The following PHKB variants were observed in gnomAD, a reference collection of about 807,000 sequenced individuals.
PHKB encodes the protein phosphorylase b kinase regulatory subunit beta.
In PHKB, 122 loss-of-function variants were observed where a neutral mutation model predicts 152.1. The ratio of observed to expected loss-of-function variants is 0.80; its 90% CI spans 0.69 to 0.93. The LOEUF (loss-of-function observed/expected upper bound fraction) is 0.93. PHKB is among the 40% of genes least tolerant of loss of function. PHKB has a pLI of 0.00. For missense variants in PHKB, 1,304 were observed against 1,328.4 expected (o/e 0.98, Z 0.29); for synonymous variants, 436 against 464.9 (o/e 0.94, Z 0.80).
intron 1 of PHKB, among the ~76,000 whole-genome samples, chr16:47,478,962 G>C (rs767642096): frequency 2.6e-5 from 4 of 152,194 alleles, no homozygotes; most frequent in Admixed American, 2.0e-4. Context: ...CCTGAATAGA[G>C]TCTGGAGATC....
rs532929131 is a variant in PHKB, at chr16:47,461,453, C to A, written c.76+27C>A. 87 of 1,610,460 alleles carry A rather than the reference C, an allele frequency of 5.4e-5. No individual in the cohort carries two copies. In the East Asian group the frequency reaches 1.6e-3, roughly 30 times the overall value. ...TTTGGCTGGCTGGGGCGCCGCCCCC[C>A]ACCCGAGTACCTTGGGTGGTGCTTC... On this transcript the variant is annotated intron_variant, in intron 1 of 30. Coordinates refer to ENST00000323584, the MANE Select transcript of PHKB (RefSeq NM_000293.3).
chr16:47,519,130 G>A (rs1244682380), intron 6 of PHKB, among the ~76,000 whole-genome samples: 2 of 152,168 alleles, frequency 1.3e-5, no homozygotes, highest in African/African-American at 4.8e-5. Flanking sequence ...GTAGGTGCTT[G>A]TTCAACATAA....
intron 22 of PHKB, 60 bp from the exon 23 acceptor site, chr16:47,661,659 C>G (rs1803661013): frequency 9.6e-6 from 10 of 1,045,304 alleles, no homozygotes; most frequent in African/African-American, 4.7e-5. Flanking sequence ...ATTAGTTACC[C>G]TCTGTGGTAA....
Position 47,497,450 on chromosome 16 carries a change from A to G in PHKB, c.128A>G (p.Glu43Gly). Residue 43 changes from glutamate to glycine, a missense_variant, in exon 2 of 31, where the codon GAA becomes GGA. Physicochemically the swap from Glu to Gly is moderately conservative, Grantham distance 98. Coordinates refer to ENST00000323584, the MANE Select transcript of PHKB (RefSeq NM_000293.3). Reference sequence around the variant, plus strand: ...ATTAATCTTCCAAGACCTGATAATGAAACTCTCTGGGATAAGTTGGACCAT... The same window carrying G: ...ATTAATCTTCCAAGACCTGATAATGGAACTCTCTGGGATAAGTTGGACCAT... ...KSINLPRPDNETLWDKLDHYY... is the reference protein window; with the variant it reads ...KSINLPRPDNGTLWDKLDHYY... The G allele has an allele frequency of 6.2e-7, 1 of 1,610,156 alleles. No individual in the cohort carries two copies. Among genetic ancestry groups the G allele is most frequent in the Non-Finnish European group, 8.5e-7 (1 of 1,178,016 alleles).
chr16:47,652,861 T>C (rs1973263218), intron 20 of PHKB, among the ~76,000 whole-genome samples: 1 of 152,184 alleles, frequency 6.6e-6, no homozygotes, highest in African/African-American at 2.4e-5. Context: ...CAGGCTGGTC[T>C]CAAACTCCTG....
chr16:47,594,673 A>G (rs1972088095), intron 12 of PHKB, among the ~76,000 whole-genome samples: 1 of 152,322 alleles, frequency 6.6e-6, no homozygotes, highest in South Asian at 2.1e-4. Context: ...CCATGGTGCT[A>G]AAACATCGTC....
chr16:47,475,446 G>A (rs1969852280), intron 1 of PHKB, among the ~76,000 whole-genome samples: 1 of 152,098 alleles, frequency 6.6e-6, no homozygotes, highest in South Asian at 2.1e-4. Context: ...CATTTAATAA[G>A]TTTTGAGTAA....
In PHKB at chr16:47,515,596, G is replaced by A. The variant is rs757713533; in HGVS notation, c.589G>A (p.Asp197Asn). ...SSGLQIIYNT[D>N]EVSFIQNLVF... ...AGGACTCCAGATTATCTACAACACTGATGAGGTATGCTTTCCCCAAATTTT... is the reference window on the plus strand; with the variant it reads ...AGGACTCCAGATTATCTACAACACTAATGAGGTATGCTTTCCCCAAATTTT... The change falls in exon 6 of 31, where the codon GAT (aspartate) becomes AAT (asparagine). Residue 197 changes from aspartate to asparagine, a missense_variant. Transcript: ENST00000323584. The A allele has an allele frequency of 2.2e-6, 3 of 1,340,064 alleles. No homozygotes were observed. The highest frequency in any genetic ancestry group is 1.7e-5 in the Admixed American group (1 of 59,650). The allele number at this position is 1,340,064 out of a possible 1,614,324, so 83.0% of individuals were successfully genotyped here.
intron 9 of PHKB, 126 bp from the exon 10 acceptor site, chr16:47,588,779 T>C: frequency 1.3e-6 from 1 of 766,698 alleles, no homozygotes; most frequent in Non-Finnish European, 2.3e-6. Context: ...TGTCTGATCC[T>C]GGGAGCAGAG....
intron 20 of PHKB, among the ~76,000 whole-genome samples, chr16:47,657,699 G>C (rs1401922821): frequency 6.6e-6 from 1 of 151,702 alleles, no homozygotes; most frequent in African/African-American, 2.4e-5. Flanking sequence ...TTATTTTATG[G>C]GCTGAATTAG....
At chr16:47,533,667 GA>G in intron 6 of PHKB, among the ~76,000 whole-genome samples, 1 of 152,320 alleles carries the variant, frequency 6.6e-6, no homozygotes. Context: ...AGTGGGTACT[GA>G]CAGCAGGGAG....
chr16:47,532,735 G>A (rs1370264125), intron 6 of PHKB, among the ~76,000 whole-genome samples: 3 of 152,270 alleles, frequency 2.0e-5, no homozygotes, highest in Non-Finnish European at 4.4e-5. Context: ...CAAAGAGGGA[G>A]TCAGCCCTGG....
At chr16:47,512,354 G>C (rs1970525183) in intron 5 of PHKB, among the ~76,000 whole-genome samples, 1 of 152,134 alleles carries the variant, frequency 6.6e-6, no homozygotes, top group Admixed American at 6.6e-5. Flanking sequence ...TAAATGGATA[G>C]ATTATAAAAT....
intron 20 of PHKB, among the ~76,000 whole-genome samples, 178 bp from the exon 21 acceptor site, chr16:47,660,328 T>G (rs191230124): frequency 1.3e-5 from 2 of 152,266 alleles, no homozygotes; most frequent in South Asian, 2.1e-4. Context: ...GGGTTTTTTT[T>G]GTGTGTGTAG....
At position 47,699,393 on chromosome 16, in the gene PHKB, A is replaced by G. The variant is rs1231163944; in HGVS notation, c.*27A>G. Reference sequence around the variant, plus strand: ...GGGGAAGGTGTAGGAAGCTCTGTTGAGACACATGTTCTGAAGTGTGTTGTG... The same window carrying G: ...GGGGAAGGTGTAGGAAGCTCTGTTGGGACACATGTTCTGAAGTGTGTTGTG... On this transcript the variant is annotated 3_prime_UTR_variant, in exon 31 of 31. Coordinates refer to ENST00000323584, the MANE Select transcript of PHKB (RefSeq NM_000293.3). The G allele has an allele frequency of 6.2e-7, 1 of 1,613,360 alleles. No homozygotes were observed. The highest frequency in any genetic ancestry group is 8.5e-7 in the Non-Finnish European group (1 of 1,179,288).
chr16:47,560,326 G>GAA (rs938881925), intron 7 of PHKB, among the ~76,000 whole-genome samples: 1 of 152,152 alleles, frequency 6.6e-6, no homozygotes, highest in African/African-American at 2.4e-5. Flanking sequence ...AATGTTGAGA[G>GAA]ATATTAAAGG....
At chr16:47,491,410 T>A (rs1264406428) in intron 1 of PHKB, among the ~76,000 whole-genome samples, 2 of 152,202 alleles carry the variant, frequency 1.3e-5, no homozygotes, top group Non-Finnish European at 2.9e-5. Flanking sequence ...AATTTAGTCC[T>A]CCTATTTACA....
chr16:47,518,609 A>G (rs1385492507), intron 6 of PHKB, among the ~76,000 whole-genome samples: 1 of 152,190 alleles, frequency 6.6e-6, no homozygotes, highest in African/African-American at 2.4e-5. Flanking sequence ...TTTCCTTGGT[A>G]TCAGTATTTC....
chr16:47,548,855 G>A (rs1971221609), intron 7 of PHKB, among the ~76,000 whole-genome samples: 2 of 152,028 alleles, frequency 1.3e-5, no homozygotes, highest in Admixed American at 6.5e-5. Context: ...TATAATAATT[G>A]TTGTCATTGT....
Sources: allele counts gnomAD v4.1 joint callset (sites outside exome capture counted in the v4.1 genomes callset), GRCh38; gene constraint gnomAD v4.1.1; transcripts MANE v1.5; gene names NCBI Gene and HGNC (gene_info 2026-07-23, HGNC 2026-07-21).